The following KSR2 variants were observed in gnomAD, a reference collection of about 807,000 sequenced individuals.
KSR2 encodes the protein kinase suppressor of ras 2.
A neutral mutation model predicts 107.8 loss-of-function variants in KSR2; 25 were observed. The observed-to-expected ratio is 0.23, with a 90% confidence interval of 0.17 to 0.32. The LOEUF is 0.32. Among genes scored for constraint, KSR2 ranks in the 10% least tolerant of loss-of-function variants. The pLI is 1.00. For missense variants in KSR2, 887 were observed against 1,268.9 expected (o/e 0.70, Z 4.57); for synonymous variants, 480 against 507.0 (o/e 0.95, Z 0.71).
chr12:117,627,711 G>A (rs942693442), intron 5 of KSR2, among the ~76,000 whole-genome samples: 9 of 152,094 alleles, frequency 5.9e-5, no homozygotes, highest in Non-Finnish European at 1.2e-4. Context: ...GTATCTTTGT[G>A]GTGTTCTCTG....
At chr12:117,699,197 G>T (rs1197755802) in intron 4 of KSR2, among the ~76,000 whole-genome samples, 2 of 152,206 alleles carry the variant, frequency 1.3e-5, no homozygotes, top group East Asian at 3.8e-4. Flanking sequence ...TAGCTCCTAA[G>T]GTAGTGCATA....
rs1296727387 is a variant in KSR2 at position 117,457,909 on chromosome 12, C to T, written c.*9290G>A. 1.3e-5 allele frequency: 2 copies of T among 152,306 alleles called. No homozygotes were observed. Among genetic ancestry groups the T allele is most frequent in the East Asian group, 1.9e-4 (1 of 5,184 alleles). The allele number at this position is 152,306 out of a possible 1,614,324, so 9.4% of individuals were successfully genotyped here. Reference sequence around the variant, plus strand: ...CTTAAATGTCACCTCCTCAGAAAGACCTTTGTCAGCAGCTCTCCCACAGTA... The same window carrying T: ...CTTAAATGTCACCTCCTCAGAAAGATCTTTGTCAGCAGCTCTCCCACAGTA... On this transcript the variant is annotated 3_prime_UTR_variant, in exon 20 of 20. Coordinates refer to ENST00000339824, the MANE Select transcript of KSR2 (RefSeq NM_173598.6).
At chr12:117,610,892 T>A (rs10444501) in intron 5 of KSR2, among the ~76,000 whole-genome samples, 21,506 of 152,098 alleles carry the variant, frequency 0.14, 1,743 homozygotes, top group Non-Finnish European at 0.18. Context: ...GACATATATA[T>A]TTCAATATAT....
Position 117,554,655 on chromosome 12 carries a change from T to A in KSR2, c.1518+514A>T, listed in dbSNP as rs542608102. ...GATATGATGGTTTTATAAAGGGGAG[T>A]TTCCCTGCATAAGCTCTCTCTTGTC... On this transcript the variant is annotated intron_variant, in intron 9 of 19. Coordinates refer to ENST00000339824, the MANE Select transcript of KSR2 (RefSeq NM_173598.6). 1.1e-3 allele frequency among the ~76,000 whole-genome samples: 169 copies of A among 151,790 alleles called. 1 individual carries two copies. Among genetic ancestry groups the A allele is most frequent in the Admixed American group, 2.1e-3 (32 of 15,232 alleles).
intron 5 of KSR2, among the ~76,000 whole-genome samples, chr12:117,617,245 T>A (rs1203223644): frequency 6.6e-6 from 1 of 152,224 alleles, no homozygotes; most frequent in Non-Finnish European, 1.5e-5. Context: ...ATTTTCCATC[T>A]TTCCCTCTAC....
chr12:117,517,552 G>A (rs1874456957), intron 14 of KSR2, among the ~76,000 whole-genome samples: 1 of 152,210 alleles, frequency 6.6e-6, no homozygotes, highest in Non-Finnish European at 1.5e-5. Flanking sequence ...ATCCTCTGCT[G>A]CTCATAGGAT....
intron 9 of KSR2, among the ~76,000 whole-genome samples, chr12:117,541,093 T>C (rs1167644859): frequency 1.3e-5 from 2 of 151,544 alleles, no homozygotes; most frequent in Non-Finnish European, 2.9e-5. Flanking sequence ...TGTGGAGGAA[T>C]GGGAGGCAGG....
At chr12:117,667,426 G>A (rs1474005611) in intron 5 of KSR2, 48 bp downstream of exon 5, 3 of 1,547,844 alleles carry the variant, frequency 1.9e-6, no homozygotes, top group East Asian at 2.3e-5. Flanking sequence ...TGGGGAGAAG[G>A]AGGTGGCATG....
intron 4 of KSR2, among the ~76,000 whole-genome samples, chr12:117,725,615 T>C (rs1369908708): frequency 1.3e-5 from 2 of 152,150 alleles, no homozygotes; most frequent in African/African-American, 4.8e-5. Flanking sequence ...AACTTTGGGA[T>C]TGGCAAAGAT....
chr12:117,786,644 C>T (rs1432744115), intron 3 of KSR2, among the ~76,000 whole-genome samples: 4 of 152,024 alleles, frequency 2.6e-5, no homozygotes, highest in African/African-American at 9.7e-5. Context: ...GGTGAAACTC[C>T]GTCTCTACTA....
intron 3 of KSR2, among the ~76,000 whole-genome samples, chr12:117,846,303 T>C (rs1892703313): frequency 1.3e-5 from 2 of 151,196 alleles, no homozygotes; most frequent in East Asian, 1.9e-4. Flanking sequence ...TTTTTTTTTT[T>C]TTTTTTTTGA....
Position 117,682,423 on chromosome 12 carries a change from G to T in KSR2, c.987-14765C>A, listed in dbSNP as rs1301992879. Among the ~76,000 whole-genome samples, 3 of 147,548 alleles carry T rather than the reference G, an allele frequency of 2.0e-5. No individual in the cohort carries two copies. The East Asian group carries it at 6.0e-4, about 30-fold the overall frequency. ...CTGCACATGTACTTCAGTTTTTTTT[G>T]TTTTTTTTTTTGAGACGGAGTTTTG... On this transcript the variant is annotated intron_variant, in intron 4 of 19. Coordinates refer to ENST00000339824, the MANE Select transcript of KSR2 (RefSeq NM_173598.6).
intron 1 of KSR2, among the ~76,000 whole-genome samples, chr12:117,938,907 G>T (rs1895922540): frequency 6.6e-6 from 1 of 152,014 alleles, no homozygotes; most frequent in Non-Finnish European, 1.5e-5. Context: ...CTTGTTAAGA[G>T]TGGACTGGAC....
chr12:117,530,829 C>G (rs1875569772), intron 12 of KSR2, 112 bp downstream of exon 12: 2 of 929,994 alleles, frequency 2.2e-6, no homozygotes, highest in East Asian at 2.4e-5. Context: ...CCCTCTGCCC[C>G]CAACTCCATC....
At chr12:117,801,047 G>T (rs1262570467) in intron 3 of KSR2, among the ~76,000 whole-genome samples, 1 of 152,166 alleles carries the variant, frequency 6.6e-6, no homozygotes, top group Non-Finnish European at 1.5e-5. Flanking sequence ...AAATAGCGCT[G>T]CAATAAGCAT....
At chr12:117,908,004 G>A (rs1397641394) in intron 1 of KSR2, among the ~76,000 whole-genome samples, 2 of 152,116 alleles carry the variant, frequency 1.3e-5, no homozygotes, top group African/African-American at 4.8e-5. Context: ...TTCCAAGAAG[G>A]AAGAATGTAA....
At chr12:117,933,579 A>C (rs1225109355) in intron 1 of KSR2, among the ~76,000 whole-genome samples, 1 of 149,426 alleles carries the variant, frequency 6.7e-6, no homozygotes, top group Non-Finnish European at 1.5e-5. Flanking sequence ...GTGACAGAGC[A>C]AGAGTCTGTC....
chr12:117,713,562 A>C (rs1886872996), intron 4 of KSR2, among the ~76,000 whole-genome samples: 1 of 152,002 alleles, frequency 6.6e-6, no homozygotes, highest in African/African-American at 2.4e-5. Flanking sequence ...TCACTGTTTT[A>C]CTCTATCTAC....
At chr12:117,838,795 G>A (rs1378065662) in intron 3 of KSR2, among the ~76,000 whole-genome samples, 1 of 152,194 alleles carries the variant, frequency 6.6e-6, no homozygotes. Context: ...AGACATGTAT[G>A]TATTTGTTTT....
Sources: allele counts gnomAD v4.1 joint callset (sites outside exome capture counted in the v4.1 genomes callset), GRCh38; gene constraint gnomAD v4.1.1; transcripts MANE v1.5; gene names NCBI Gene and HGNC (gene_info 2026-07-23, HGNC 2026-07-21).